The following CLVS1 variants were observed in gnomAD, a reference collection of about 807,000 sequenced individuals.
CLVS1 encodes the protein clavesin 1, also known as clavesin-1.
A neutral mutation model predicts 33.1 loss-of-function variants in CLVS1; 10 were observed. The ratio of observed to expected loss-of-function variants is 0.30; its 90% confidence interval spans 0.19 to 0.51. The LOEUF is 0.51. Among genes scored for constraint, CLVS1 ranks in the 20% least tolerant of loss-of-function variants. CLVS1 has a pLI of 0.97. For synonymous variants in CLVS1, 163 were observed against 166.1 expected (o/e 0.98, Z 0.14); for missense variants, 343 against 433.4 (o/e 0.79, Z 1.85).
chr8:61,254,929 A>G (rs750527678), intron 2 of CLVS1, among the ~76,000 whole-genome samples: 1 of 152,096 alleles, frequency 6.6e-6, no homozygotes, highest in Non-Finnish European at 1.5e-5. Flanking sequence ...CCACTCTCCG[A>G]CAATCCCCAG....
chr8:61,456,448 C>T (rs1817162411), intron 4 of CLVS1, among the ~76,000 whole-genome samples: 2 of 152,154 alleles, frequency 1.3e-5, no homozygotes. Context: ...AGTGCAATAT[C>T]AGAAATTTTG....
At chr8:61,147,703 G>C (rs1446103828) in intron 2 of CLVS1, among the ~76,000 whole-genome samples, 1 of 152,118 alleles carries the variant, frequency 6.6e-6, no homozygotes, top group African/African-American at 2.4e-5. Context: ...TATTTCTCAG[G>C]GATAAGAATT....
intron 5 of CLVS1, among the ~76,000 whole-genome samples, chr8:61,494,597 G>C (rs150253693): frequency 1.3e-5 from 2 of 152,076 alleles, no homozygotes; most frequent in African/African-American, 4.8e-5. Context: ...GTGGCTTCTC[G>C]ATAGTTAATG....
intron 2 of CLVS1, among the ~76,000 whole-genome samples, chr8:61,150,972 C>A (rs1806521216): frequency 6.6e-6 from 1 of 152,150 alleles, no homozygotes; most frequent in African/African-American, 2.4e-5. Flanking sequence ...CAGAGAGAGC[C>A]AGGGACATTC....
chr8:61,151,863 C>A (rs1220029580), intron 2 of CLVS1, among the ~76,000 whole-genome samples: 1 of 152,180 alleles, frequency 6.6e-6, no homozygotes, highest in Non-Finnish European at 1.5e-5. Flanking sequence ...AATTTCTGAT[C>A]TGAGGTCTTT....
At chr8:61,304,500 A>G (rs1304481873) in intron 2 of CLVS1, among the ~76,000 whole-genome samples, 1 of 152,188 alleles carries the variant, frequency 6.6e-6, no homozygotes, top group Non-Finnish European at 1.5e-5. Context: ...CAAAAAATGA[A>G]CTTGGCCCTC....
chr8:61,393,650 CCAGA>C (rs1814397668), intron 3 of CLVS1, among the ~76,000 whole-genome samples: 1 of 152,140 alleles, frequency 6.6e-6, no homozygotes, highest in South Asian at 2.1e-4. Context: ...TTCCTGAGAG[CCAGA>C]CTGCAATCAA....
intron 1 of CLVS1, among the ~76,000 whole-genome samples, chr8:61,122,569 A>AACAC (rs4033855): frequency 0.05 from 7,185 of 144,552 alleles, 213 homozygotes; most frequent in Middle Eastern, 0.087. Context: ...ATATTAAGAA[A>AACAC]ACACACACAC....
chr8:61,477,255 T>A (rs1391324212), intron 5 of CLVS1, among the ~76,000 whole-genome samples: 1 of 152,168 alleles, frequency 6.6e-6, no homozygotes, highest in Non-Finnish European at 1.5e-5. Flanking sequence ...GGTCTAAAAT[T>A]CTCTTTTTTT....
intron 2 of CLVS1, among the ~76,000 whole-genome samples, chr8:61,171,635 CT>C (rs1416158079): frequency 6.6e-6 from 1 of 152,106 alleles, no homozygotes; most frequent in Non-Finnish European, 1.5e-5. Context: ...GTTCTTTCCT[CT>C]TTTTAAAATA....
chr8:61,054,197 A>G (rs1222697355), upstream of CLVS1, among the ~76,000 whole-genome samples: 1 of 152,162 alleles, frequency 6.6e-6, no homozygotes, highest in Non-Finnish European at 1.5e-5. Context: ...TGCCTGGGGA[A>G]AGCTGCCGCC....
intron 1 of CLVS1, among the ~76,000 whole-genome samples, chr8:61,084,933 A>G (rs1392098006): frequency 6.6e-6 from 1 of 152,252 alleles, no homozygotes; most frequent in East Asian, 1.9e-4. Context: ...GTCTTAGAGT[A>G]GAAAGTCATA....
At chr8:61,451,853 G>A (rs1033937837) in intron 3 of CLVS1, among the ~76,000 whole-genome samples, 1 of 143,714 alleles carries the variant, frequency 7.0e-6, no homozygotes, top group Non-Finnish European at 1.5e-5. Context: ...AGAGAACAGA[G>A]AGTAGCATGG....
the CLVS1 span, among the ~76,000 whole-genome samples, chr8:61,031,051 G>C: frequency 6.6e-6 from 1 of 152,224 alleles, no homozygotes; most frequent in East Asian, 1.9e-4. Flanking sequence ...CTGAGTCTAT[G>C]AAGCTCTGGG....
intron 2 of CLVS1, among the ~76,000 whole-genome samples, chr8:61,214,614 G>A (rs1015477373): frequency 2.0e-5 from 3 of 152,096 alleles, no homozygotes; most frequent in African/African-American, 4.8e-5. Context: ...CTTGATCTTC[G>A]ACATCTTACC....
chr8:61,475,023 A>G (rs1474786209), intron 5 of CLVS1, among the ~76,000 whole-genome samples: 1 of 151,856 alleles, frequency 6.6e-6, no homozygotes, highest in Middle Eastern at 3.2e-3. Context: ...TTCAATTCCC[A>G]CCTATGAGTG....
chr8:61,445,362 T>A (rs1233063744), intron 3 of CLVS1, among the ~76,000 whole-genome samples: 1 of 152,190 alleles, frequency 6.6e-6, no homozygotes, highest in Non-Finnish European at 1.5e-5. Flanking sequence ...TGGGGGTGGA[T>A]CCTTCATGAA....
chr8:61,425,667 G>A (rs1200623146), intron 3 of CLVS1, among the ~76,000 whole-genome samples: 1 of 152,082 alleles, frequency 6.6e-6, no homozygotes, highest in Non-Finnish European at 1.5e-5. Flanking sequence ...TATCTTAAAG[G>A]CTTTGTTTAA....
intron 2 of CLVS1, among the ~76,000 whole-genome samples, chr8:61,362,688 C>A (rs1031545485): frequency 2.0e-5 from 3 of 152,186 alleles, no homozygotes; most frequent in Non-Finnish European, 4.4e-5. Flanking sequence ...GAATTTACCT[C>A]CAGTTGAAGA....
Sources: gnomAD v4.1 joint callset for allele counts (sites outside exome capture counted in the v4.1 genomes callset) on GRCh38, gnomAD v4.1.1 for gene constraint, MANE v1.5 for transcripts, NCBI Gene and HGNC (gene_info 2026-07-23, HGNC 2026-07-21) for gene names.